The following MROH7 variants were observed in gnomAD, a reference collection of about 807,000 sequenced individuals.
The protein encoded by MROH7 is maestro heat like repeat family member 7.
In MROH7, 113 loss-of-function variants were observed where a neutral mutation model predicts 129.2. That is an observed-to-expected ratio of 0.87 (90% CI 0.75 to 1.02). The LOEUF (loss-of-function observed/expected upper bound fraction) is 1.02. MROH7 is among the 50% of genes least tolerant of loss of function. The pLI is 0.00. For missense variants in MROH7, 1,601 were observed against 1,671.3 expected (o/e 0.96, Z 0.73); for synonymous variants, 655 against 667.9 (o/e 0.98, Z 0.30).
Position 54,670,793 on chromosome 1 carries a change from T to C in MROH7, c.1470-7T>C, listed in dbSNP as rs772026950. 3 of 1,613,440 alleles carry C rather than the reference T, an allele frequency of 1.9e-6. No homozygotes were observed. Among genetic ancestry groups the C allele is most frequent in the Non-Finnish European group, 1.7e-6 (2 of 1,179,756 alleles). On this transcript the variant is annotated splice_region_variant and splice_polypyrimidine_tract_variant and intron_variant, in intron 6 of 23. Transcript: ENST00000421030. ...CTCCATTTCTTTGCTTTCTGCCTCT[T>C]CTCCAGCCACACCCAGCCCACCCTG... is the stretch of plus-strand genomic sequence containing the variant.
At chr1:54,675,856 G>A (rs1644971999) in intron 10 of MROH7, among the ~76,000 whole-genome samples, 1 of 151,574 alleles carries the variant, frequency 6.6e-6, no homozygotes, top group South Asian at 2.1e-4. Flanking sequence ...GGCTGGTCTC[G>A]AACTTCTGGG....
rs1012218749 is a variant in MROH7, at chr1:54,703,601, G to C, written c.3564+856G>C. Among the ~76,000 whole-genome samples, 3 of 151,992 alleles carry C rather than the reference G, an allele frequency of 2.0e-5. No homozygotes were observed. Among genetic ancestry groups the C allele is most frequent in the Non-Finnish European group, 2.9e-5 (2 of 68,000 alleles). Reference sequence around the variant, plus strand: ...AGCTTCCTTTCTCGGTGATACCTGTGAACATCATGAGGTAGGAGCAAGCCG... The same window carrying C: ...AGCTTCCTTTCTCGGTGATACCTGTCAACATCATGAGGTAGGAGCAAGCCG... On this transcript the variant is annotated intron_variant, in intron 21 of 23. Transcript: ENST00000421030. The surrounding 1 kb of genome is among the most constrained non-coding windows in gnomAD (Gnocchi z 4.4).
At chr1:54,691,083 CT>C (rs1404020897) in intron 15 of MROH7, among the ~76,000 whole-genome samples, 3 of 152,206 alleles carry the variant, frequency 2.0e-5, no homozygotes, top group African/African-American at 7.2e-5. Flanking sequence ...TCAGCCAGTA[CT>C]TGCAAAGGGA....
intron 6 of MROH7, 33 bp from the exon 7 acceptor site, chr1:54,670,767 A>C (rs1644887476): frequency 6.3e-7 from 1 of 1,595,916 alleles, no homozygotes; most frequent in Non-Finnish European, 8.5e-7. Context: ...CCCCTCTCTC[A>C]CTCCATTTCT....
rs377043574 is a variant in MROH7 at position 54,706,448 on chromosome 1, G to A, written c.3578G>A (p.Arg1193Gln). Residue 1193 changes from arginine to glutamine, a missense_variant, in exon 22 of 24, where the codon CGA (arginine) becomes CAA (glutamine). Arg to Gln is a conservative substitution (Grantham distance 43). Coordinates refer to ENST00000421030, the MANE Select transcript of MROH7 (RefSeq NM_001039464.4). ...TCTTTGTCCTAGGTGAACACCCACC[G>A]AGACAGCGCCTTCATATTCCTCAGC... is the stretch of plus-strand genomic sequence containing the variant. ...KICKCLVNTH[R>Q]DSAFIFLSQS... is the part of the protein sequence containing the mutation. 7.1e-5 allele frequency: 114 copies of A among 1,613,540 alleles called. No individual in the cohort carries two copies. The highest frequency in any genetic ancestry group is 6.0e-4 in the African/African-American group (45 of 74,966).
intron 17 of MROH7, chr1:54,699,900 G>A (rs12134978): frequency 0.2 from 111,407 of 559,998 alleles, 11,817 homozygotes; most frequent in Non-Finnish European, 0.22. Context: ...GCCCTGCGAG[G>A]TGGCAGGGGT....
chr1:54,656,474 C>G (rs541169445), intron 3 of MROH7, among the ~76,000 whole-genome samples: 36 of 137,458 alleles, frequency 2.6e-4, no homozygotes, highest in Middle Eastern at 4.1e-3. Flanking sequence ...TGAGCCACTG[C>G]ACTCCAGCCA....
chr1:54,645,871 T>C (rs1644458913), intron 1 of MROH7, among the ~76,000 whole-genome samples: 1 of 152,098 alleles, frequency 6.6e-6, no homozygotes, highest in Non-Finnish European at 1.5e-5. Context: ...CAGGCTGGTC[T>C]TGAACTCCTG....
chr1:54,684,547 T>C (rs1335153784), intron 14 of MROH7, among the ~76,000 whole-genome samples: 7 of 152,256 alleles, frequency 4.6e-5, no homozygotes, highest in African/African-American at 1.7e-4. Context: ...CTCATTCTTA[T>C]CTTATGGCAC....
intron 4 of MROH7, among the ~76,000 whole-genome samples, chr1:54,666,877 G>A (rs973690695): frequency 9.9e-5 from 15 of 152,156 alleles, no homozygotes; most frequent in Non-Finnish European, 1.9e-4. Flanking sequence ...GGAAGGGAAG[G>A]AACAACAGCT....
At chr1:54,697,473 C>T (rs1416018063) in intron 17 of MROH7, 5 of 519,416 alleles carry the variant, frequency 9.6e-6, no homozygotes, top group Non-Finnish European at 3.5e-6. Context: ...CCAGGGAGAG[C>T]AAACCTGGCC....
chr1:54,670,074 G>GAAA (rs34229799), intron 5 of MROH7, among the ~76,000 whole-genome samples: 1 of 149,314 alleles, frequency 6.7e-6, no homozygotes, highest in East Asian at 2.0e-4. Flanking sequence ...TTAAAAAGAA[G>GAAA]AAAAAAAAAC....
In MROH7 at chr1:54,703,921, A is replaced by C. The variant is rs760313781; in HGVS notation, c.3564+1176A>C. Among the ~76,000 whole-genome samples the C allele has an allele frequency of 3.3e-4, 50 of 151,880 alleles. No individual in the cohort carries two copies. The highest frequency in any genetic ancestry group is 6.3e-4 in the Non-Finnish European group (43 of 67,962). On this transcript the variant is annotated intron_variant, in intron 21 of 23. Transcript: ENST00000421030. This position sits in a 1 kb window ranked among gnomAD's most constrained non-coding sequence, Gnocchi z 4.4. ...TTTGGCCTGGGGGTCAGGTCTGTAC[A>C]CTCCTGTGTTCATCTGTCACTGGAT...
rs1423973119 is a variant in MROH7 at position 54,688,458 on chromosome 1, G to A, written c.2711+2010G>A. Among the ~76,000 whole-genome samples, 3 of 152,094 alleles carry A rather than the reference G, an allele frequency of 2.0e-5. No homozygotes were observed. The South Asian group carries it at 6.2e-4, about 31-fold the overall frequency. ...GATAGGAGTGTGCCTAACACTTTCT[G>A]TGTTATGCACAGAAAGGTGCATTTA... On this transcript the variant is annotated intron_variant, in intron 15 of 23. Coordinates refer to ENST00000421030, the MANE Select transcript of MROH7 (RefSeq NM_001039464.4).
chr1:54,702,752 G>A lies in MROH7; in HGVS notation c.3564+7G>A. The stretch of plus-strand genomic sequence containing the variant: ...CAAAATTTGCAAGTGCCTTGTGAGT[G>A]CTCCCAGAGAGTAGAGTGGTTCCTT... On this transcript the variant is annotated splice_region_variant and intron_variant, in intron 21 of 23. Coordinates refer to ENST00000421030, the MANE Select transcript of MROH7 (RefSeq NM_001039464.4). The A allele has an allele frequency of 6.2e-7, 1 of 1,610,518 alleles. No homozygotes were observed. Among genetic ancestry groups the A allele is most frequent in the Non-Finnish European group, 8.5e-7 (1 of 1,178,480 alleles).
intron 19 of MROH7, 139 bp downstream of exon 19, chr1:54,701,461 C>A (rs950797397): frequency 9.5e-6 from 6 of 633,874 alleles, no homozygotes; most frequent in African/African-American, 9.3e-5. Context: ...AACTTTGTCC[C>A]AGCTGGTCCA....
In MROH7 at chr1:54,653,497, C is replaced by T; in HGVS notation, c.571C>T (p.His191Tyr). ...HHSREGLVLG[H>Y]CISRPSSKAL... The stretch of plus-strand genomic sequence containing the variant: ...TTCCAGAGAAGGTCTGGTTCTGGGC[C>T]ACTGCATCTCTAGGCCAAGCTCAAA... The change falls in exon 3 of 24, where the codon CAC becomes TAC. Residue 191 changes from histidine to tyrosine, a missense_variant. By Grantham distance (83) the His-to-Tyr change is moderately conservative (BLOSUM62 2). Transcript: ENST00000421030. 6.2e-7 allele frequency: 1 copy of T among 1,614,136 alleles called. No homozygotes were observed.
Position 54,657,376 on chromosome 1 carries a change from AATTATT to A in MROH7, c.1231+3229_1231+3234del, listed in dbSNP as rs1039136380. Among the ~76,000 whole-genome samples, 13 of 151,862 alleles carry A rather than the reference AATTATT, an allele frequency of 8.6e-5. No homozygotes were observed. The East Asian group carries it at 2.3e-3, about 27-fold the overall frequency. On this transcript the variant is annotated intron_variant, in intron 3 of 23. Coordinates refer to ENST00000421030, the MANE Select transcript of MROH7 (RefSeq NM_001039464.4). ...AACCTTACCATCTTAAACATTTTTA[AATTATT>A]ATTATTATTTTTTAGGGTCAGGGTC...
At chr1:54,654,214 A>G in intron 3 of MROH7, 57 bp downstream of exon 3, 3 of 1,476,750 alleles carry the variant, frequency 2.0e-6, no homozygotes, top group Non-Finnish European at 2.7e-6. Flanking sequence ...TTCTGTCTTC[A>G]GACTCTTAGG....
Sources: allele counts gnomAD v4.1 joint callset (sites outside exome capture counted in the v4.1 genomes callset), GRCh38; gene constraint gnomAD v4.1.1; non-coding constraint Gnocchi (gnomAD v3.1); transcripts MANE v1.5; gene names NCBI Gene and HGNC (gene_info 2026-07-23, HGNC 2026-07-21).